ZHX2: variants seen among roughly 807,000 people sequenced by gnomAD.
ZHX2 encodes zinc fingers and homeoboxes 2.
Under a neutral mutation model 21.9 loss-of-function variants are expected in ZHX2, and 6 were observed. That is an observed-to-expected ratio of 0.27 (90% CI 0.15 to 0.54). ZHX2 has a LOEUF of 0.54. ZHX2 is among the 20% of genes least tolerant of loss of function. The pLI, the probability that ZHX2 is intolerant of heterozygous loss-of-function variation, is 0.95. For synonymous variants in ZHX2, 434 were observed against 437.1 expected, an observed-to-expected ratio of 0.99 and a Z score of 0.09; for missense variants, 908 against 1,090.7, an observed-to-expected ratio of 0.83 and a Z score of 2.36.
rs530543636 is a variant in ZHX2 at position 122,852,091 on chromosome 8, A to G, written c.-282-11386A>G. On this transcript the variant is annotated intron_variant, in intron 1 of 3. Transcript: ENST00000314393. ...GTGGTAAGAAAGGTGTCTGCAAAGC[A>G]TCGTTCAGTGACTGTCAGACTTTGA... Among the ~76,000 whole-genome samples the G allele has an allele frequency of 5.9e-5, 9 of 152,320 alleles. No homozygotes were observed. In the East Asian group the frequency reaches 1.7e-3, roughly 29 times the overall value.
At chr8:122,967,516 C>T (rs10105143) in intron 3 of ZHX2, among the ~76,000 whole-genome samples, 1 of 152,176 alleles carries the variant, frequency 6.6e-6, no homozygotes, top group African/African-American at 2.4e-5. Context: ...TCAGGTCTCC[C>T]AGTCTTGGAT....
chr8:122,866,120 CG>C (rs775876818), intron 2 of ZHX2, among the ~76,000 whole-genome samples: 1 of 152,240 alleles, frequency 6.6e-6, no homozygotes, highest in East Asian at 1.9e-4. Flanking sequence ...GGGAAGTAGT[CG>C]TGAAGACTGA....
chr8:122,906,666 C>CTTTT (rs771349214), intron 2 of ZHX2, among the ~76,000 whole-genome samples: 32 of 123,426 alleles, frequency 2.6e-4, no homozygotes, highest in East Asian at 4.6e-4. Context: ...ACATAATTTC[C>CTTTT]TTTTTTTTTT....
intron 2 of ZHX2, among the ~76,000 whole-genome samples, chr8:122,930,434 C>T (rs1395915126): frequency 1.3e-5 from 2 of 152,140 alleles, no homozygotes; most frequent in Non-Finnish European, 2.9e-5. Flanking sequence ...AAAAATCATG[C>T]CTTTTTAGAA....
intron 1 of ZHX2, among the ~76,000 whole-genome samples, chr8:122,836,705 G>A (rs1322661873): frequency 1.3e-5 from 2 of 152,250 alleles, no homozygotes; most frequent in African/African-American, 2.4e-5. Context: ...TCACGGGTAC[G>A]TGTCTTCCAG....
chr8:122,812,465 T>G (rs945690336), intron 1 of ZHX2, among the ~76,000 whole-genome samples: 5 of 152,218 alleles, frequency 3.3e-5, no homozygotes, highest in Non-Finnish European at 2.9e-5. Flanking sequence ...GGAAGCAACT[T>G]GCCCAAGGCC....
intron 2 of ZHX2, among the ~76,000 whole-genome samples, chr8:122,907,084 T>C (rs1169598166): frequency 3.9e-5 from 6 of 152,232 alleles, no homozygotes; most frequent in African/African-American, 1.4e-4. Context: ...ATCATCAAGT[T>C]GCATAAACCC....
chr8:122,857,360 GA>G (rs761871911), intron 1 of ZHX2, among the ~76,000 whole-genome samples: 1,536 of 125,342 alleles, frequency 0.012, 15 homozygotes, highest in African/African-American at 0.04. Context: ...GTCACAAACA[GA>G]AAAAAAAAAA....
chr8:122,841,091 T>G (rs1818613840), intron 1 of ZHX2, among the ~76,000 whole-genome samples: 1 of 152,196 alleles, frequency 6.6e-6, no homozygotes, highest in African/African-American at 2.4e-5. Flanking sequence ...GTTCTTGTCT[T>G]TCTTTCGTTT....
At chr8:122,941,114 G>A (rs996237438) in intron 2 of ZHX2, among the ~76,000 whole-genome samples, 5 of 152,030 alleles carry the variant, frequency 3.3e-5, no homozygotes, top group African/African-American at 9.6e-5. Flanking sequence ...GGGCATGGTG[G>A]CATGTGCCTG....
chr8:122,845,120 C>T (rs909725302), intron 1 of ZHX2, among the ~76,000 whole-genome samples: 2 of 152,234 alleles, frequency 1.3e-5, no homozygotes, highest in Admixed American at 1.3e-4. Context: ...TTTTATTTCT[C>T]ACCAGCACTG....
intron 2 of ZHX2, among the ~76,000 whole-genome samples, chr8:122,934,697 T>G (rs1812635938): frequency 6.6e-6 from 1 of 151,982 alleles, no homozygotes. Flanking sequence ...CTTCGTTTCT[T>G]TCTTTCTTTC....
chr8:122,876,330 A>T (rs1819572375), intron 2 of ZHX2, among the ~76,000 whole-genome samples: 1 of 152,212 alleles, frequency 6.6e-6, no homozygotes, highest in Non-Finnish European at 1.5e-5. Context: ...CAATTCGGGC[A>T]GCACCAGACT....
rs146979429 is a variant in ZHX2 at position 122,794,047 on chromosome 8, T to A, written c.-283+12101T>A. ...GATGAGTCCTTGAGTTTGCTGAACC[T>A]GGAGCTTTATGCTTTGATTCTCAGC... On this transcript the variant is annotated intron_variant, in intron 1 of 3. Transcript: ENST00000314393. Among the ~76,000 whole-genome samples, 414 of 152,362 alleles carry A rather than the reference T, an allele frequency of 2.7e-3. 4 individuals carry two copies. The highest frequency in any genetic ancestry group is 9.7e-3 in the African/African-American group (403 of 41,582).
intron 2 of ZHX2, among the ~76,000 whole-genome samples, chr8:122,912,669 T>A (rs956339818): frequency 1.3e-5 from 2 of 152,166 alleles, no homozygotes; most frequent in African/African-American, 4.8e-5. Flanking sequence ...ATCTCCATTT[T>A]ACAGATGCTA....
intron 2 of ZHX2, among the ~76,000 whole-genome samples, chr8:122,887,089 GT>G (rs1819861268): frequency 7.7e-6 from 1 of 129,428 alleles, no homozygotes; most frequent in East Asian, 2.3e-4. Context: ...GTGTGTGTGT[GT>G]GTGTACATGA....
intron 1 of ZHX2, among the ~76,000 whole-genome samples, chr8:122,846,524 C>A (rs1818754156): frequency 6.6e-6 from 1 of 151,200 alleles, no homozygotes; most frequent in African/African-American, 2.4e-5. Flanking sequence ...CGATGTCCTA[C>A]CTTCTAATGT....
At chr8:122,916,899 C>T (rs1820617452) in intron 2 of ZHX2, among the ~76,000 whole-genome samples, 2 of 152,110 alleles carry the variant, frequency 1.3e-5, no homozygotes, top group South Asian at 4.1e-4. Context: ...ACACCCTTCC[C>T]TGACCCAGCC....
At chr8:122,877,581 T>A (rs1346138405) in intron 2 of ZHX2, among the ~76,000 whole-genome samples, 2 of 152,198 alleles carry the variant, frequency 1.3e-5, no homozygotes, top group East Asian at 3.8e-4. Context: ...TGAATCCAGC[T>A]TCATCTGGAT....
Sources: gnomAD v4.1 joint callset for allele counts (sites outside exome capture counted in the v4.1 genomes callset) on GRCh38, gnomAD v4.1.1 for gene constraint, MANE v1.5 for transcripts, NCBI Gene and HGNC (gene_info 2026-07-23, HGNC 2026-07-21) for gene names.